Variants in BAALC observed in about 807,000 individuals in gnomAD.
BAALC encodes BAALC binder of MAP3K1 and KLF4.
Under a neutral mutation model 15.5 loss-of-function variants are expected in BAALC, and 9 were observed. That is an observed-to-expected ratio of 0.58 (90% CI 0.35 to 1.02). The LOEUF is 1.02. Among genes scored for constraint, BAALC ranks in the 50% least tolerant of loss-of-function variants. The probability of loss-of-function intolerance (pLI) is 0.02; values close to 1 mark genes in which losing one functional copy is unlikely to be tolerated. For synonymous variants in BAALC, 80 were observed against 74.6 expected, an observed-to-expected ratio of 1.07 and a Z score of -0.37; for missense variants, 201 against 192.4, an observed-to-expected ratio of 1.04 and a Z score of -0.27.
At chr8:103,182,329 T>C (rs113195456) in intron 1 of BAALC, among the ~76,000 whole-genome samples, 10 of 152,352 alleles carry the variant, frequency 6.6e-5, no homozygotes, top group African/African-American at 2.4e-4. Context: ...AAGTGCTTGA[T>C]TCAGCTGCTC....
intron 1 of BAALC, among the ~76,000 whole-genome samples, chr8:103,192,171 C>T (rs1178444279): frequency 1.3e-5 from 2 of 152,216 alleles, no homozygotes; most frequent in African/African-American, 2.4e-5. Context: ...CCTGTCTCAG[C>T]CTCCCGAGTA....
rs192593575 is a variant in BAALC, at chr8:103,152,132, G to A, written c.160+11075G>A. Among the ~76,000 whole-genome samples, 14 of 152,188 alleles carry A rather than the reference G, an allele frequency of 9.2e-5. 1 individual carries two copies. Among genetic ancestry groups the A allele is most frequent in the African/African-American group, 2.2e-4 (9 of 41,538 alleles). On this transcript the variant is annotated intron_variant, in intron 1 of 2. Transcript: ENST00000309982. ...ATATGTCAGGTCCTGTCACTCTCTT[G>A]TTTAATGCCTTCTGATAGCTTCCTG...
At chr8:103,152,775 C>CCCAGTCA (rs372882335) in intron 1 of BAALC, among the ~76,000 whole-genome samples, 9 of 152,242 alleles carry the variant, frequency 5.9e-5, no homozygotes, top group African/African-American at 2.2e-4. Flanking sequence ...GGCGGCCACA[C>CCCAGTCA]CCAGTCACGG....
intron 1 of BAALC, chr8:103,200,742 C>A (rs1812196519): frequency 5.7e-6 from 4 of 699,604 alleles, no homozygotes; most frequent in Non-Finnish European, 1.0e-5. Context: ...AAGATGGCAC[C>A]TCTTGCTGTG....
intron 1 of BAALC, among the ~76,000 whole-genome samples, chr8:103,199,852 CT>C (rs1432188555): frequency 2.6e-5 from 4 of 152,144 alleles, no homozygotes; most frequent in East Asian, 1.9e-4. Flanking sequence ...TTGTTTCCCC[CT>C]ATGTGTCCAT....
chr8:103,157,320 T>A (rs999039926), intron 1 of BAALC, among the ~76,000 whole-genome samples: 1 of 152,112 alleles, frequency 6.6e-6, no homozygotes, highest in African/African-American at 2.4e-5. Flanking sequence ...TCAAGCTATA[T>A]ATATATATAT....
rs978387978 is a variant in BAALC at position 103,212,984 on chromosome 8, A to C, written c.226A>C (p.Asn76His). Reference sequence around the variant, plus strand: ...ATCTACAGCCCCAGGTGGAATACCCAACCCAGAGAAGAAGACGAACTGTGA... The same window carrying C: ...ATCTACAGCCCCAGGTGGAATACCCCACCCAGAGAAGAAGACGAACTGTGA... ...PRSTAPGGIPNPEKKTNCETQ... is the reference protein window; with the variant it reads ...PRSTAPGGIPHPEKKTNCETQ... The change falls in exon 2 of 3, where the codon AAC becomes CAC. Residue 76 changes from asparagine (N) to histidine (H), a missense_variant. Asn to His is a moderately conservative substitution (Grantham distance 68). Coordinates refer to ENST00000309982, the MANE Select transcript of BAALC (RefSeq NM_024812.3). 1.2e-6 allele frequency: 2 copies of C among 1,614,138 alleles called. No individual in the cohort carries two copies. The highest frequency in any genetic ancestry group is 2.7e-5 in the African/African-American group (2 of 75,048).
intron 1 of BAALC, among the ~76,000 whole-genome samples, chr8:103,205,570 A>G (rs72673333): frequency 0.049 from 7,527 of 152,230 alleles, 275 homozygotes; most frequent in Middle Eastern, 0.17. Flanking sequence ...ATATATATCT[A>G]TAATATAGAT....
chr8:103,172,355 A>G (rs1037912349), intron 1 of BAALC, among the ~76,000 whole-genome samples: 9 of 148,060 alleles, frequency 6.1e-5, no homozygotes, highest in Non-Finnish European at 1.3e-4. Flanking sequence ...ATAGAAGGTC[A>G]TTAGGATTAG....
chr8:103,223,651 C>G (rs1812733594), intron 2 of BAALC, among the ~76,000 whole-genome samples: 1 of 151,970 alleles, frequency 6.6e-6, no homozygotes, highest in Non-Finnish European at 1.5e-5. Context: ...ATATCTGTGG[C>G]TGTTATAGGA....
intron 2 of BAALC, among the ~76,000 whole-genome samples, chr8:103,215,840 C>T (rs1812542676): frequency 6.6e-6 from 1 of 152,210 alleles, no homozygotes; most frequent in South Asian, 2.1e-4. Flanking sequence ...ATACCACATA[C>T]ATACACAAAG....
chr8:103,218,934 A>G (rs1195520604), intron 2 of BAALC, among the ~76,000 whole-genome samples: 2 of 152,222 alleles, frequency 1.3e-5, no homozygotes, highest in African/African-American at 4.8e-5. Context: ...CTCCTGGATA[A>G]CACTAATATG....
At chr8:103,150,233 C>A (rs1810955361) in intron 1 of BAALC, among the ~76,000 whole-genome samples, 1 of 152,184 alleles carries the variant, frequency 6.6e-6, no homozygotes, top group South Asian at 2.1e-4. Context: ...TACCTCCCAC[C>A]TGGCCCCTCC....
intron 1 of BAALC, among the ~76,000 whole-genome samples, chr8:103,209,771 G>T (rs1266286981): frequency 6.6e-6 from 1 of 152,224 alleles, no homozygotes; most frequent in African/African-American, 2.4e-5. Context: ...TGCTCAATCA[G>T]TAAGTTCAAC....
chr8:103,161,663 G>A (rs1033760409), intron 1 of BAALC, among the ~76,000 whole-genome samples: 5 of 152,156 alleles, frequency 3.3e-5, no homozygotes, highest in African/African-American at 1.2e-4. Context: ...TGGGCCAAAT[G>A]CTGAATGCAA....
chr8:103,140,729 T>C lies in BAALC; in HGVS notation c.-169T>C, dbSNP rs1810746658. 5.4e-6 allele frequency: 2 copies of C among 367,116 alleles called. No individual in the cohort carries two copies. Among genetic ancestry groups the C allele is most frequent in the Non-Finnish European group, 8.4e-6 (2 of 239,442 alleles). The allele number at this position is 367,116 out of a possible 1,614,324, so 22.7% of individuals were successfully genotyped here. ...GGACGGGCTGGGAGAGGGCCCGGAC[T>C]AGGGGCGGCGGGCACCGCAGGAGCT... On this transcript the variant is annotated 5_prime_UTR_variant, in exon 1 of 3. Transcript: ENST00000309982. The surrounding 1 kb of genome is among the most constrained non-coding windows in gnomAD (Gnocchi z 4.2).
intron 1 of BAALC, among the ~76,000 whole-genome samples, chr8:103,187,674 G>C (rs1225048567): frequency 1.3e-5 from 2 of 152,186 alleles, no homozygotes; most frequent in African/African-American, 4.8e-5. Context: ...GTTGTGGACA[G>C]GACACATGCT....
Position 103,224,115 on chromosome 8 carries a change from C to CTG in BAALC, c.328-3852_328-3851dup, listed in dbSNP as rs4002031. On this transcript the variant is annotated intron_variant, in intron 2 of 2. Transcript: ENST00000309982. Reference sequence around the variant, plus strand: ...TATGTGCATGTGCTTCTGCGTGCGTCTGTGTGTGTGTGTGTGTGTGTGTTT... The same window carrying CTG: ...TATGTGCATGTGCTTCTGCGTGCGTCTGTGTGTGTGTGTGTGTGTGTGTGTTT... Among the ~76,000 whole-genome samples, 973 of 150,930 alleles carry CTG rather than the reference C, an allele frequency of 6.4e-3. 1 individual carries two copies. The highest frequency in any genetic ancestry group is 0.012 in the African/African-American group (506 of 41,184).
intron 1 of BAALC, among the ~76,000 whole-genome samples, chr8:103,145,045 C>T (rs1157095600): frequency 6.6e-6 from 1 of 152,210 alleles, no homozygotes; most frequent in African/African-American, 2.4e-5. Flanking sequence ...TCCAAAGCCT[C>T]TACTCCTAAA....
Sources: allele counts gnomAD v4.1 joint callset (sites outside exome capture counted in the v4.1 genomes callset), GRCh38; gene constraint gnomAD v4.1.1; non-coding constraint Gnocchi (gnomAD v3.1); transcripts MANE v1.5; gene names NCBI Gene and HGNC (gene_info 2026-07-23, HGNC 2026-07-21).